Variants in NAV3 observed in about 807,000 individuals in gnomAD.
NAV3 encodes neuron navigator 3.
A neutral mutation model predicts 244.7 loss-of-function variants in NAV3; 87 were observed. The observed-to-expected ratio is 0.36, with a 90% CI of 0.30 to 0.42. The LOEUF (loss-of-function observed/expected upper bound fraction) is 0.42, where lower values mean the gene tolerates loss of function less well. NAV3 is among the 20% of genes least tolerant of loss of function. The pLI is 1.00. For missense variants in NAV3, 2,663 were observed against 2,893.3 expected, an observed-to-expected ratio of 0.92 and a Z score of 1.83; for synonymous variants, 1,126 against 1,042.2, an observed-to-expected ratio of 1.08 and a Z score of -1.55.
chr12:77,879,668 G>A (rs557826301), intron 1 of NAV3, among the ~76,000 whole-genome samples: 2 of 102,410 alleles, frequency 2.0e-5, no homozygotes, highest in Admixed American at 1.4e-4. Context: ...GCGAAAGAGC[G>A]AAGTGAAACT....
intron 3 of NAV3, among the ~76,000 whole-genome samples, chr12:77,964,495 G>A (rs1892341507): frequency 6.6e-6 from 1 of 152,070 alleles, no homozygotes; most frequent in African/African-American, 2.4e-5. Flanking sequence ...AATTTTTAAT[G>A]GATCTTAAAG....
chr12:78,025,971 A>C (rs929951543), intron 9 of NAV3, among the ~76,000 whole-genome samples: 2 of 152,150 alleles, frequency 1.3e-5, no homozygotes, highest in African/African-American at 4.8e-5. Flanking sequence ...ATAATCCTTT[A>C]TAGCGTCACA....
chr12:78,126,762 T>C (rs1955925547), intron 16 of NAV3, among the ~76,000 whole-genome samples: 1 of 152,172 alleles, frequency 6.6e-6, no homozygotes, highest in African/African-American at 2.4e-5. Flanking sequence ...TTATACCATC[T>C]CTGTCAATTG....
At chr12:77,966,441 A>G in intron 4 of NAV3, 140 bp downstream of exon 4, 1 of 662,134 alleles carries the variant, frequency 1.5e-6, no homozygotes, top group Non-Finnish European at 2.6e-6. Context: ...AGACAACCGA[A>G]ACATAAACAT....
intron 34 of NAV3, among the ~76,000 whole-genome samples, chr12:78,193,394 G>A (rs779816323): frequency 1.3e-5 from 2 of 152,138 alleles, no homozygotes; most frequent in Non-Finnish European, 2.9e-5. Context: ...TGGAATGTTA[G>A]GCTGGAAAAG....
intron 2 of NAV3, among the ~76,000 whole-genome samples, chr12:77,608,744 C>T (rs1870779599): frequency 6.6e-6 from 1 of 151,978 alleles, no homozygotes; most frequent in South Asian, 2.1e-4. Context: ...TTGTCAAGTC[C>T]CATCAATCCT....
At chr12:78,036,804 A>G (rs1879956642) in intron 9 of NAV3, 2 of 618,240 alleles carry the variant, frequency 3.2e-6, no homozygotes, top group African/African-American at 1.8e-5. Flanking sequence ...ATCAGTTACA[A>G]TCACAGTGTA....
intron 2 of NAV3, among the ~76,000 whole-genome samples, chr12:77,704,440 A>C (rs1334354071): frequency 6.6e-6 from 1 of 152,210 alleles, no homozygotes; most frequent in Non-Finnish European, 1.5e-5. Flanking sequence ...TCAGTCAAGC[A>C]GCCCTGATTC....
chr12:78,183,240 C>A (rs1157186537), intron 30 of NAV3, among the ~76,000 whole-genome samples: 1 of 151,912 alleles, frequency 6.6e-6, no homozygotes, highest in African/African-American at 2.4e-5. Context: ...GGAGTTGTTT[C>A]ATCAGGTGAC....
chr12:78,117,695 A>T (rs1437245052), intron 13 of NAV3, among the ~76,000 whole-genome samples: 5 of 151,844 alleles, frequency 3.3e-5, no homozygotes, highest in East Asian at 3.9e-4. Context: ...GAAATATATC[A>T]CTGGATCTGT....
chr12:77,995,800 T>C (rs944022672), intron 6 of NAV3, among the ~76,000 whole-genome samples: 3 of 152,102 alleles, frequency 2.0e-5, no homozygotes, highest in Admixed American at 6.6e-5. Context: ...TGATATAAAT[T>C]ATGATGGGTA....
In NAV3 at chr12:77,815,568, T is replaced by C. The variant is rs1185352129; in HGVS notation, c.73-124751T>C. Among the ~76,000 whole-genome samples, 5 of 152,328 alleles carry C rather than the reference T, an allele frequency of 3.3e-5. No homozygotes were observed. The East Asian group carries it at 9.6e-4, about 29-fold the overall frequency. ...CCTGATATAGCTCCTGATGAATGCA[T>C]TTCCAAATTATCATGTGTATCATCT... On this transcript the variant is annotated intron_variant, in intron 2 of 8. Coordinates refer to the NAV3 transcript ENST00000550042.
chr12:78,183,571 T>G (rs1380646984), intron 30 of NAV3, among the ~76,000 whole-genome samples: 1 of 151,926 alleles, frequency 6.6e-6, no homozygotes, highest in East Asian at 1.9e-4. Flanking sequence ...GACCTGGACT[T>G]TTCACTATTG....
intron 2 of NAV3, among the ~76,000 whole-genome samples, chr12:77,711,593 G>A (rs1258500362): frequency 1.3e-5 from 2 of 152,206 alleles, no homozygotes; most frequent in African/African-American, 4.8e-5. Flanking sequence ...TGCGGTGTCA[G>A]GAGCAGCTAA....
chr12:77,666,070 T>C (rs696072), intron 2 of NAV3, among the ~76,000 whole-genome samples: 3,640 of 152,234 alleles, frequency 0.024, 55 homozygotes, highest in Middle Eastern at 0.041. Context: ...ATAATTTATA[T>C]GTAAAATTTC....
chr12:77,754,576 C>T (rs561878896), intron 2 of NAV3, among the ~76,000 whole-genome samples: 1 of 152,282 alleles, frequency 6.6e-6, no homozygotes, highest in African/African-American at 2.4e-5. Context: ...TCATTCTTAC[C>T]CGTTAAAACT....
intron 1 of NAV3, among the ~76,000 whole-genome samples, chr12:77,909,228 G>A (rs534023755): frequency 6.6e-6 from 1 of 152,102 alleles, no homozygotes; most frequent in Non-Finnish European, 1.5e-5. Context: ...TTTTTCAACA[G>A]GAAATAAAAG....
chr12:78,023,810 G>T (rs1173574383), intron 9 of NAV3, among the ~76,000 whole-genome samples: 1 of 152,022 alleles, frequency 6.6e-6, no homozygotes, highest in African/African-American at 2.4e-5. Context: ...TTGGTTTATG[G>T]GTCACTATTA....
intron 1 of NAV3, among the ~76,000 whole-genome samples, chr12:77,866,277 G>C (rs567761818): frequency 1.3e-5 from 2 of 152,286 alleles, no homozygotes; most frequent in African/African-American, 4.8e-5. Flanking sequence ...AATTGAAAGT[G>C]AATACATTAG....
Sources: gnomAD v4.1 joint callset for allele counts (sites outside exome capture counted in the v4.1 genomes callset) on GRCh38, gnomAD v4.1.1 for gene constraint, MANE v1.5 for transcripts, NCBI Gene and HGNC (gene_info 2026-07-23, HGNC 2026-07-21) for gene names.